Variants in SORCS1 observed in about 807,000 individuals in gnomAD.
The protein encoded by SORCS1 is sortilin related VPS10 domain containing receptor 1.
Under a neutral mutation model 146.1 loss-of-function variants are expected in SORCS1, and 60 were observed. The observed-to-expected ratio is 0.41, with a 90% CI of 0.33 to 0.51. The LOEUF is 0.51. SORCS1 is among the 20% of genes least tolerant of loss of function. SORCS1 has a pLI of 0.21. For missense variants in SORCS1, 1,352 were observed against 1,487.6 expected (o/e 0.91, Z 1.50); for synonymous variants, 637 against 584.0 (o/e 1.09, Z -1.31).
chr10:106,688,411 G>T, intron 9 of SORCS1, 73 bp from the exon 10 acceptor site: 3 of 1,540,418 alleles, frequency 1.9e-6, no homozygotes, highest in Non-Finnish European at 2.6e-6. Context: ...TTTAAAAAAA[G>T]AAGGCTGTCA....
At chr10:106,754,870 T>C (rs1486793073) in intron 5 of SORCS1, among the ~76,000 whole-genome samples, 2 of 152,234 alleles carry the variant, frequency 1.3e-5, no homozygotes, top group Non-Finnish European at 2.9e-5. Flanking sequence ...AAAATATGTA[T>C]CACCATTCAG....
intron 12 of SORCS1, among the ~76,000 whole-genome samples, chr10:106,678,130 C>T (rs1232460667): frequency 6.6e-6 from 1 of 152,198 alleles, no homozygotes; most frequent in Non-Finnish European, 1.5e-5. Context: ...ATTAGTGTAG[C>T]CTTGCCTGGA....
rs201338721 is a variant in SORCS1 at position 106,806,384 on chromosome 10, A to AAAAATAAAATAAAATAAAAT, written c.726+23170_726+23189dup. ...CTCCTCCTCAAAAATAAAATAAAAT[A>AAAAATAAAATAAAATAAAAT]AAAATAAAATAAAATAAAATAAAAT... On this transcript the variant is annotated intron_variant, in intron 3 of 25. Coordinates refer to ENST00000263054, the MANE Select transcript of SORCS1 (RefSeq NM_052918.5). Among the ~76,000 whole-genome samples the AAAAATAAAATAAAATAAAAT allele has an allele frequency of 7.4e-3, 1,031 of 139,700 alleles. 5 individuals carry two copies. The highest frequency in any genetic ancestry group is 0.01 in the Admixed American group (138 of 13,772). 91.6% of individuals were successfully genotyped at this position (139,700 alleles called of 152,430 possible). A position where few individuals can be genotyped will look rare whatever the true frequency, so the allele number is the denominator to read the frequency against.
At chr10:106,588,575 C>G (rs554696777) in intron 24 of SORCS1, among the ~76,000 whole-genome samples, 1 of 152,094 alleles carries the variant, frequency 6.6e-6, no homozygotes, top group East Asian at 1.9e-4. Context: ...AATGAAGATT[C>G]CTGGGGCCGG....
At chr10:107,084,225 A>G (rs1352232075) in intron 1 of SORCS1, among the ~76,000 whole-genome samples, 1 of 145,342 alleles carries the variant, frequency 6.9e-6, no homozygotes, top group Non-Finnish European at 1.5e-5. Flanking sequence ...CCTCCCAAGT[A>G]TCTGGGACTA....
chr10:106,615,690 A>G (rs911576), intron 21 of SORCS1, among the ~76,000 whole-genome samples: 148,550 of 152,224 alleles, frequency 0.98, 72,571 homozygotes, highest in East Asian at 1. Context: ...TCAACTGACC[A>G]AAGACAAATT....
chr10:106,924,209 G>A (rs990350413), intron 2 of SORCS1, among the ~76,000 whole-genome samples: 6 of 150,624 alleles, frequency 4.0e-5, no homozygotes, highest in Non-Finnish European at 7.4e-5. Flanking sequence ...AGCCGAAATC[G>A]TGCCACTGTA....
chr10:106,905,491 G>C (rs907046259), intron 2 of SORCS1, among the ~76,000 whole-genome samples: 1 of 152,154 alleles, frequency 6.6e-6, no homozygotes, highest in Non-Finnish European at 1.5e-5. Context: ...CCCATAATTA[G>C]AAAACTATTC....
intron 4 of SORCS1, among the ~76,000 whole-genome samples, chr10:106,766,181 C>T (rs1280247723): frequency 6.6e-6 from 1 of 152,162 alleles, no homozygotes; most frequent in Admixed American, 6.5e-5. Flanking sequence ...GCCCACTCCT[C>T]TTTCCTTCTC....
intron 5 of SORCS1, among the ~76,000 whole-genome samples, chr10:106,735,142 A>C (rs540504296): frequency 1.7e-3 from 84 of 48,184 alleles, no homozygotes; most frequent in African/African-American, 4.9e-3. Context: ...GCGAGACTCC[A>C]TCTCAAAAAA....
Position 106,629,227 on chromosome 10 carries a change from G to A in SORCS1, c.2637C>T (p.Ser879=), listed in dbSNP as rs775407056. The change falls in exon 19 of 26, where the codon AGC becomes AGT. Residue 879 remains serine, a synonymous_variant. Transcript: ENST00000263054. ...VQVDNSLGSD[S]AVLYLHVTCP... The stretch of plus-strand genomic sequence containing the variant: ...AAGTTACATGTAAGTACAGGACGGC[G>A]CTGTCAGAACCCAGACTGTTGTCCA... 19 of 1,613,784 alleles carry A rather than the reference G, an allele frequency of 1.2e-5. No individual in the cohort carries two copies. The highest frequency in any genetic ancestry group is 5.3e-5 in the African/African-American group (4 of 74,936).
chr10:107,014,881 A>G (rs1050450515), intron 1 of SORCS1, among the ~76,000 whole-genome samples: 4 of 152,196 alleles, frequency 2.6e-5, no homozygotes, highest in African/African-American at 9.7e-5. Flanking sequence ...TCTCCCTCTA[A>G]GGATGCTGAT....
chr10:106,607,691 G>A (rs1043159771), intron 22 of SORCS1, among the ~76,000 whole-genome samples: 1 of 152,122 alleles, frequency 6.6e-6, no homozygotes, highest in Non-Finnish European at 1.5e-5. Context: ...CTTTTTGCTA[G>A]AGAGCATCTC....
chr10:107,042,262 G>A (rs551106171), intron 1 of SORCS1, among the ~76,000 whole-genome samples: 37 of 152,206 alleles, frequency 2.4e-4, no homozygotes, highest in African/African-American at 8.2e-4. Flanking sequence ...ATCCAGCAGC[G>A]CAACAAAAAC....
chr10:107,154,500 A>G (rs911613808), intron 1 of SORCS1, among the ~76,000 whole-genome samples: 17 of 152,340 alleles, frequency 1.1e-4, no homozygotes, highest in Admixed American at 2.0e-4. Context: ...GTACAAAGTT[A>G]TAGGTTGTTC....
chr10:106,911,651 A>G (rs1564801600), intron 2 of SORCS1, among the ~76,000 whole-genome samples: 1 of 151,674 alleles, frequency 6.6e-6, no homozygotes, highest in African/African-American at 2.4e-5. Flanking sequence ...TGATCCAAGA[A>G]CTCCTGTGGC....
intron 5 of SORCS1, among the ~76,000 whole-genome samples, chr10:106,758,877 A>T (rs1858865451): frequency 6.6e-6 from 1 of 152,184 alleles, no homozygotes; most frequent in South Asian, 2.1e-4. Flanking sequence ...AGAGGGAGAG[A>T]GGTAAATAAG....
the SORCS1 span, among the ~76,000 whole-genome samples, chr10:107,171,514 C>CCTT: frequency 1.1e-4 from 13 of 117,270 alleles, no homozygotes; most frequent in East Asian, 1.7e-3. Flanking sequence ...GGGAATCCCC[C>CCTT]TTTTTTTTTT....
At chr10:106,820,146 G>A (rs2136909514) in intron 3 of SORCS1, among the ~76,000 whole-genome samples, 1 of 152,122 alleles carries the variant, frequency 6.6e-6, no homozygotes. Context: ...CTATAAGCAT[G>A]TTCATTTCCT....
Sources: allele counts gnomAD v4.1 joint callset (sites outside exome capture counted in the v4.1 genomes callset), GRCh38; gene constraint gnomAD v4.1.1; transcripts MANE v1.5; gene names NCBI Gene and HGNC (gene_info 2026-07-23, HGNC 2026-07-21).